OCA2: variants seen among roughly 807,000 people sequenced by gnomAD.
OCA2 encodes OCA2 melanosomal transmembrane protein.
A neutral mutation model predicts 100.2 loss-of-function variants in OCA2; 77 were observed. The observed-to-expected ratio is 0.77, with a 90% CI of 0.64 to 0.93. The LOEUF is 0.93. Ranked by LOEUF, OCA2 falls within the 40% of genes least tolerant of loss-of-function variation. The pLI, the probability that OCA2 is intolerant of heterozygous loss-of-function variation, is 0.00. For missense variants in OCA2, 1,062 were observed against 1,089.1 expected (o/e 0.98, Z 0.35); for synonymous variants, 432 against 439.2 (o/e 0.98, Z 0.21).
At chr15:27,966,901 G>A in intron 14 of OCA2, 79 bp from the exon 15 acceptor site, 2 of 1,494,272 alleles carry the variant, frequency 1.3e-6, no homozygotes, top group African/African-American at 1.4e-5. Flanking sequence ...TTTCCGAGGT[G>A]GGTGGATCAC....
intron 21 of OCA2, among the ~76,000 whole-genome samples, chr15:27,863,565 G>A (rs4778125): frequency 0.24 from 36,538 of 151,922 alleles, 5,240 homozygotes; most frequent in East Asian, 0.56. Context: ...TGATGCTGCC[G>A]GTGCCCAAGC....
chr15:27,859,202 T>C (rs934703689), intron 21 of OCA2, among the ~76,000 whole-genome samples: 2 of 151,684 alleles, frequency 1.3e-5, no homozygotes, highest in Admixed American at 1.3e-4. Context: ...AGATGAAGAA[T>C]AGAAAAAATA....
At chr15:27,768,658 G>A (rs983657054) in intron 23 of OCA2, among the ~76,000 whole-genome samples, 11 of 152,152 alleles carry the variant, frequency 7.2e-5, no homozygotes, top group Admixed American at 6.5e-4. Flanking sequence ...CTTTGGACTC[G>A]AATAAACTTT....
chr15:27,920,771 A>G (rs2038828152), intron 19 of OCA2, among the ~76,000 whole-genome samples: 1 of 152,286 alleles, frequency 6.6e-6, no homozygotes, highest in East Asian at 1.9e-4. Context: ...GAAATAAAAA[A>G]TTCACTTACA....
chr15:27,914,039 A>G (rs2038569799), intron 19 of OCA2, among the ~76,000 whole-genome samples: 1 of 152,104 alleles, frequency 6.6e-6, no homozygotes, highest in Non-Finnish European at 1.5e-5. Context: ...AAGCTAATCC[A>G]CTATGATTAG....
At chr15:27,936,661 T>C (rs2039464363) in intron 18 of OCA2, among the ~76,000 whole-genome samples, 1 of 152,134 alleles carries the variant, frequency 6.6e-6, no homozygotes, top group African/African-American at 2.4e-5. Context: ...GTGGCTCTTA[T>C]GGGCACCTGC....
intron 19 of OCA2, among the ~76,000 whole-genome samples, chr15:27,911,875 G>T (rs539834765): frequency 6.9e-4 from 105 of 152,246 alleles, no homozygotes; most frequent in Non-Finnish European, 1.3e-3. Flanking sequence ...GAGAAGAAAA[G>T]AATTAATTTA....
intron 9 of OCA2, among the ~76,000 whole-genome samples, chr15:28,000,362 G>T (rs2041889314): frequency 6.6e-6 from 1 of 152,188 alleles, no homozygotes; most frequent in Non-Finnish European, 1.5e-5. Flanking sequence ...ACACAGTGGG[G>T]AAAGGATAGT....
At chr15:27,947,279 G>T (rs1267991457) in intron 18 of OCA2, among the ~76,000 whole-genome samples, 18 of 152,322 alleles carry the variant, frequency 1.2e-4, no homozygotes, top group Non-Finnish European at 2.9e-5. Flanking sequence ...AACCCATCTG[G>T]CACTAAGGGT....
intron 2 of OCA2, among the ~76,000 whole-genome samples, chr15:28,077,108 G>A (rs1366361715): frequency 6.7e-6 from 1 of 150,110 alleles, no homozygotes; most frequent in Non-Finnish European, 1.5e-5. Context: ...TGCCCAGGCT[G>A]CGGTGCAATG....
intron 19 of OCA2, among the ~76,000 whole-genome samples, chr15:27,905,879 T>C (rs1016236996): frequency 6.6e-6 from 1 of 152,118 alleles, no homozygotes; most frequent in African/African-American, 2.4e-5. Flanking sequence ...AGAAGAAAAC[T>C]ACAAGCCCAC....
intron 8 of OCA2, among the ~76,000 whole-genome samples, chr15:28,015,447 A>AC (rs1427074592): frequency 1.3e-5 from 2 of 152,188 alleles, no homozygotes; most frequent in African/African-American, 4.8e-5. Context: ...TGAAGTCCTA[A>AC]CCCCGAGTAC....
At chr15:27,765,733 T>C (rs2031206067) in intron 23 of OCA2, among the ~76,000 whole-genome samples, 1 of 152,218 alleles carries the variant, frequency 6.6e-6, no homozygotes, top group Non-Finnish European at 1.5e-5. Flanking sequence ...ATCTGCATCC[T>C]GTTATTGGGC....
intron 4 of OCA2, among the ~76,000 whole-genome samples, chr15:28,027,037 G>A (rs1566815176): frequency 1.3e-5 from 2 of 152,204 alleles, no homozygotes; most frequent in African/African-American, 2.4e-5. Flanking sequence ...AAGCCCACTG[G>A]TCCCGGCTCC....
chr15:28,085,881 G>C (rs1023628646), intron 1 of OCA2, among the ~76,000 whole-genome samples: 1 of 152,200 alleles, frequency 6.6e-6, no homozygotes, highest in Non-Finnish European at 1.5e-5. Context: ...CAAAGGACCA[G>C]GAAATGAGTA....
Position 27,865,313 on chromosome 15 carries a change from G to A in OCA2, c.2244+5841C>T, listed in dbSNP as rs149225354. 8.1e-4 allele frequency among the ~76,000 whole-genome samples: 124 copies of A among 152,184 alleles called. 1 individual carries two copies. The Middle Eastern group carries it at 0.014, about 17-fold the overall frequency. On this transcript the variant is annotated intron_variant, in intron 21 of 23. Coordinates refer to ENST00000354638, the MANE Select transcript of OCA2 (RefSeq NM_000275.3). ...CTGGAGGTGGCAACTGCACCTGCCC[G>A]CTCTCTGACCCTTTTTAAGGTTCTA...
chr15:27,725,314 C>T, the OCA2 span, among the ~76,000 whole-genome samples: 64 of 152,322 alleles, frequency 4.2e-4, no homozygotes, highest in African/African-American at 1.3e-3. Context: ...TGGTGGCTCA[C>T]GCCTATAATC....
In OCA2 at chr15:28,027,750, G is replaced by A; in HGVS notation, c.515+121C>T. The A allele has an allele frequency of 3.9e-6, 4 of 1,034,906 alleles. No individual in the cohort carries two copies. In the South Asian group the frequency reaches 5.4e-5, roughly 14 times the overall value. The allele number at this position is 1,034,906 out of a possible 1,614,324, so 64.1% of individuals were successfully genotyped here. A position where few individuals can be genotyped will look rare whatever the true frequency, so the allele number is the denominator to read the frequency against. ...TCACCTTGGAGGAAAAGTGCAGCCT[G>A]GCCAGATGAGACAAAACTCATCCTC... is the stretch of plus-strand genomic sequence containing the variant. On this transcript the variant is annotated intron_variant, in intron 4 of 23. Transcript: ENST00000354638.
At chr15:28,052,328 T>C (rs999949085) in intron 2 of OCA2, among the ~76,000 whole-genome samples, 11 of 152,322 alleles carry the variant, frequency 7.2e-5, no homozygotes, top group South Asian at 6.2e-4. Context: ...ACTAATGTGA[T>C]TGGGGAAGGA....
Sources: gnomAD v4.1 joint callset for allele counts (sites outside exome capture counted in the v4.1 genomes callset) on GRCh38, gnomAD v4.1.1 for gene constraint, MANE v1.5 for transcripts, NCBI Gene and HGNC (gene_info 2026-07-23, HGNC 2026-07-21) for gene names.